Variants in SNTB1 observed in about 807,000 individuals in gnomAD.
SNTB1 encodes beta-1-syntrophin.
Under a neutral mutation model 48.9 loss-of-function variants are expected in SNTB1, and 36 were observed. The observed-to-expected ratio is 0.74, with a 90% confidence interval of 0.56 to 0.97. The LOEUF (loss-of-function observed/expected upper bound fraction) is 0.97, where lower values mean the gene tolerates loss of function less well. Among genes scored for constraint, SNTB1 ranks in the 50% least tolerant of loss-of-function variants. The pLI is 0.00. For missense variants in SNTB1, 786 were observed against 703.4 expected (o/e 1.12, Z -1.33); for synonymous variants, 299 against 294.6 (o/e 1.01, Z -0.15).
chr8:120,705,023 T>A (rs10086267), intron 1 of SNTB1, among the ~76,000 whole-genome samples: 6,949 of 152,280 alleles, frequency 0.046, 216 homozygotes, highest in Non-Finnish European at 0.07. Flanking sequence ...AGAGAAGTCC[T>A]TCTCTTTGCC....
At chr8:120,661,840 T>C (rs991082735) in intron 2 of SNTB1, among the ~76,000 whole-genome samples, 6 of 152,204 alleles carry the variant, frequency 3.9e-5, no homozygotes, top group African/African-American at 1.2e-4. Context: ...TTCTTTTTTA[T>C]GGCTGCGAGT....
intron 1 of SNTB1, among the ~76,000 whole-genome samples, chr8:120,790,271 G>A (rs1193017276): frequency 1.3e-5 from 2 of 151,868 alleles, no homozygotes; most frequent in African/African-American, 2.4e-5. Flanking sequence ...CAAACCCATA[G>A]CCAACATCAT....
Position 120,740,271 on chromosome 8 carries a change from T to C in SNTB1, c.572-46363A>G, listed in dbSNP as rs1322715742. On this transcript the variant is annotated intron_variant, in intron 1 of 6. Transcript: ENST00000517992. ...AACTTGGCACATGTTATATTTTATA[T>C]AGAATGAAGCATCCAGGTTCAGATC... Among the ~76,000 whole-genome samples the C allele has an allele frequency of 2.6e-5, 4 of 152,336 alleles. No individual in the cohort carries two copies. In the South Asian group the frequency reaches 6.2e-4, roughly 24 times the overall value.
intron 1 of SNTB1, among the ~76,000 whole-genome samples, chr8:120,731,586 C>T (rs139693356): frequency 6.6e-6 from 1 of 152,176 alleles, no homozygotes; most frequent in Non-Finnish European, 1.5e-5. Flanking sequence ...CCCTGCCTTG[C>T]CCAGAGTCAT....
At chr8:120,612,657 G>T (rs568317347) in intron 3 of SNTB1, among the ~76,000 whole-genome samples, 1 of 152,094 alleles carries the variant, frequency 6.6e-6, no homozygotes, top group Non-Finnish European at 1.5e-5. Flanking sequence ...GGGTTCAAGC[G>T]ATTTTCCTGC....
At chr8:120,798,099 G>A (rs1015649887) in intron 1 of SNTB1, among the ~76,000 whole-genome samples, 1 of 152,070 alleles carries the variant, frequency 6.6e-6, no homozygotes, top group African/African-American at 2.4e-5. Flanking sequence ...AAGATGCCCA[G>A]TTTAACACAG....
chr8:120,648,598 C>T (rs1398747952), intron 2 of SNTB1, among the ~76,000 whole-genome samples: 2 of 151,928 alleles, frequency 1.3e-5, no homozygotes, highest in African/African-American at 4.8e-5. Context: ...CTGCCCTTAA[C>T]ATTTTTTCCT....
At position 120,706,163 on chromosome 8, in the gene SNTB1, T is replaced by G. The variant is rs531649378; in HGVS notation, c.572-12255A>C. Among the ~76,000 whole-genome samples the G allele has an allele frequency of 9.2e-5, 14 of 152,344 alleles. No homozygotes were observed. In the East Asian group the frequency reaches 2.7e-3, roughly 29 times the overall value. On this transcript the variant is annotated intron_variant, in intron 1 of 6. Coordinates refer to ENST00000517992, the MANE Select transcript of SNTB1 (RefSeq NM_021021.4). ...ATTACTATTATGTCATTGCTGTTAT[T>G]GTTGCTATGAAATTTCAGTGAGAAA...
intron 3 of SNTB1, among the ~76,000 whole-genome samples, chr8:120,597,942 A>G (rs913726222): frequency 5.3e-5 from 8 of 152,248 alleles, no homozygotes; most frequent in Non-Finnish European, 8.8e-5. Flanking sequence ...TTAAAACAGA[A>G]CATACATTGT....
intron 1 of SNTB1, among the ~76,000 whole-genome samples, chr8:120,731,526 C>A (rs79341472): frequency 6.6e-6 from 1 of 152,166 alleles, no homozygotes; most frequent in South Asian, 2.1e-4. Flanking sequence ...AGATGACTTC[C>A]AAGGCGTCTA....
chr8:120,685,334 A>G (rs1251818763), intron 2 of SNTB1, among the ~76,000 whole-genome samples: 1 of 152,218 alleles, frequency 6.6e-6, no homozygotes, highest in Non-Finnish European at 1.5e-5. Context: ...CCAAGGCCCC[A>G]CACGGCGTCC....
At chr8:120,621,564 G>A (rs1281305854) in intron 3 of SNTB1, among the ~76,000 whole-genome samples, 1 of 152,168 alleles carries the variant, frequency 6.6e-6, no homozygotes, top group Non-Finnish European at 1.5e-5. Flanking sequence ...AAAAGTAATT[G>A]CATAATTAAA....
intron 4 of SNTB1, among the ~76,000 whole-genome samples, chr8:120,573,812 G>A (rs1815897231): frequency 1.3e-5 from 2 of 152,168 alleles, no homozygotes; most frequent in Admixed American, 6.5e-5. Flanking sequence ...TGTATTCTTG[G>A]CACCCTTGTC....
At chr8:120,715,991 A>G (rs1818548937) in intron 1 of SNTB1, among the ~76,000 whole-genome samples, 2 of 152,302 alleles carry the variant, frequency 1.3e-5, no homozygotes. Flanking sequence ...CCAGGTGCAC[A>G]TCCTGAGTTC....
intron 4 of SNTB1, among the ~76,000 whole-genome samples, chr8:120,558,134 T>G (rs1324773478): frequency 6.6e-6 from 1 of 152,224 alleles, no homozygotes; most frequent in Non-Finnish European, 1.5e-5. Context: ...CCTTCCAAGA[T>G]TCTTCCCAAT....
At chr8:120,646,856 C>G (rs1419767351) in intron 2 of SNTB1, among the ~76,000 whole-genome samples, 1 of 152,020 alleles carries the variant, frequency 6.6e-6, no homozygotes, top group Non-Finnish European at 1.5e-5. Flanking sequence ...TGTTATTGGT[C>G]TATTCAGAGA....
Position 120,541,805 on chromosome 8 carries a change from C to G in SNTB1, c.1524+5G>C, listed in dbSNP as rs761675932. 6.2e-7 allele frequency: 1 copy of G among 1,604,500 alleles called. No homozygotes were observed. ...ATCACACTGTCTAAAGAAAAGTACA[C>G]TTACAATCTCTCCATCTTTGCCTCC... On this transcript the variant is annotated splice_donor_5th_base_variant and intron_variant, in intron 6 of 6. Transcript: ENST00000517992.
At chr8:120,792,955 G>GAAGAA (rs947011366) in intron 1 of SNTB1, among the ~76,000 whole-genome samples, 1 of 151,966 alleles carries the variant, frequency 6.6e-6, no homozygotes, top group African/African-American at 2.4e-5. Flanking sequence ...AACTCCACTG[G>GAAGAA]AAGAAAAGAA....
intron 2 of SNTB1, among the ~76,000 whole-genome samples, chr8:120,649,966 A>G (rs1389738117): frequency 6.6e-6 from 1 of 151,632 alleles, no homozygotes; most frequent in East Asian, 1.9e-4. Flanking sequence ...TTGACTCAGA[A>G]AGGGAACTCC....
Sources: allele counts gnomAD v4.1 joint callset (sites outside exome capture counted in the v4.1 genomes callset), GRCh38; gene constraint gnomAD v4.1.1; transcripts MANE v1.5; gene names NCBI Gene and HGNC (gene_info 2026-07-23, HGNC 2026-07-21).